EFCAB13: variants seen among roughly 807,000 people sequenced by gnomAD.
The protein encoded by EFCAB13 is EF-hand calcium binding domain 13, also known as EF-hand calcium-binding domain-containing protein 13.
In EFCAB13, 91 loss-of-function variants were observed where a neutral mutation model predicts 110.2. That is an observed-to-expected ratio of 0.83 (90% confidence interval 0.70 to 0.98). The LOEUF is 0.98. EFCAB13 is among the 50% of genes least tolerant of loss of function. The pLI is 0.00. For missense variants in EFCAB13, 968 were observed against 1,119.4 expected (o/e 0.86, Z 1.93); for synonymous variants, 323 against 369.9 (o/e 0.87, Z 1.45).
At chr17:47,436,292 T>G (rs573860673) in intron 24 of EFCAB13, among the ~76,000 whole-genome samples, 6 of 152,182 alleles carry the variant, frequency 3.9e-5, no homozygotes, top group Non-Finnish European at 8.8e-5. Flanking sequence ...CTTCATAGAA[T>G]GAATTAGGGA....
At chr17:47,435,480 A>C (rs972756176) in intron 24 of EFCAB13, among the ~76,000 whole-genome samples, 1 of 152,074 alleles carries the variant, frequency 6.6e-6, no homozygotes, top group Non-Finnish European at 1.5e-5. Flanking sequence ...AAAAACTACA[A>C]GTAGGTCTTT....
intron 12 of EFCAB13, among the ~76,000 whole-genome samples, chr17:47,375,926 G>A (rs536445157): frequency 6.6e-6 from 1 of 151,980 alleles, no homozygotes; most frequent in East Asian, 1.9e-4. Context: ...TATATCTAGG[G>A]CTCCAAGTCT....
At chr17:47,407,819 T>C (rs541200053) in intron 20 of EFCAB13, among the ~76,000 whole-genome samples, 1 of 152,342 alleles carries the variant, frequency 6.6e-6, no homozygotes, top group South Asian at 2.1e-4. Flanking sequence ...ATGTTTGATA[T>C]TACTGTTCTT....
chr17:47,371,629 T>A (rs1280217626), intron 11 of EFCAB13, among the ~76,000 whole-genome samples: 1 of 152,172 alleles, frequency 6.6e-6, no homozygotes, highest in African/African-American at 2.4e-5. Context: ...GTCCATTTTT[T>A]TTGAGACAGA....
chr17:47,344,250 A>T lies in EFCAB13; in HGVS notation c.392A>T (p.His131Leu), dbSNP rs767504556. Residue 131 changes from histidine to leucine, a missense_variant, in exon 7 of 25, where the codon CAC becomes CTC. By Grantham distance (99) the His-to-Leu change is moderately conservative. Coordinates refer to ENST00000331493, the MANE Select transcript of EFCAB13 (RefSeq NM_152347.5). The stretch of plus-strand genomic sequence containing the variant: ...AAGTTGCCGAATCAGTACAGCGTTC[A>T]CAAGACTTCATCACCTCTTTGTACA... ...LCKLPNQYSV[H>L]KTSSPLCTSS... The T allele has an allele frequency of 9.9e-6, 16 of 1,613,028 alleles. No homozygotes were observed. Among genetic ancestry groups the T allele is most frequent in the Non-Finnish European group, 1.2e-5 (14 of 1,179,200 alleles).
intron 14 of EFCAB13, among the ~76,000 whole-genome samples, chr17:47,390,335 C>T (rs1003311087): frequency 6.6e-6 from 1 of 152,054 alleles, no homozygotes; most frequent in African/African-American, 2.4e-5. Context: ...TACACACACA[C>T]ACACACACAC....
chr17:47,348,030 A>G (rs2065427782), intron 9 of EFCAB13, 79 bp downstream of exon 9: 3 of 1,145,906 alleles, frequency 2.6e-6, no homozygotes, highest in Admixed American at 3.2e-5. Context: ...AAATGATAGG[A>G]AAGCTAAACC....
At chr17:47,325,905 T>TTA (rs927345842) in intron 2 of EFCAB13, among the ~76,000 whole-genome samples, 11 of 128,164 alleles carry the variant, frequency 8.6e-5, no homozygotes, top group African/African-American at 2.4e-4. Flanking sequence ...AGGGCAGATT[T>TTA]TATATATATA....
intron 13 of EFCAB13, among the ~76,000 whole-genome samples, chr17:47,378,192 C>A (rs1165852256): frequency 6.6e-6 from 1 of 152,088 alleles, no homozygotes; most frequent in Non-Finnish European, 1.5e-5. Context: ...GGAGACTGAT[C>A]CAGTTGTAGC....
chr17:47,351,903 T>G (rs900321105), intron 9 of EFCAB13, among the ~76,000 whole-genome samples: 52 of 147,952 alleles, frequency 3.5e-4, no homozygotes, highest in Middle Eastern at 3.4e-3. Context: ...CATGTAGTTT[T>G]TTTTTTTTTT....
At chr17:47,400,203 A>G (rs1598751326) in intron 17 of EFCAB13, among the ~76,000 whole-genome samples, 1 of 152,142 alleles carries the variant, frequency 6.6e-6, no homozygotes, top group African/African-American at 2.4e-5. Context: ...ACTTATCTTC[A>G]TGACTTTTTA....
rs866744189 is a variant in EFCAB13 at position 47,395,842 on chromosome 17, G to A, written c.1810G>A (p.Asp604Asn). The part of the protein sequence containing the change: ...ECFSEKLVLP[D>N]AIETLDDLRK... ...TTTTATCTACCCTTTAGTATTGCCT[G>A]ATGCTATTGAAACCCTCGACGATCT... The change falls in exon 17 of 25, where the codon GAT (aspartate) becomes AAT (asparagine). Residue 604 changes from aspartate to asparagine, a missense_variant. Physicochemically the swap from Asp to Asn is conservative, Grantham distance 23 (BLOSUM62 1). Coordinates refer to ENST00000331493, the MANE Select transcript of EFCAB13 (RefSeq NM_152347.5). 11 of 1,606,436 alleles carry A rather than the reference G, an allele frequency of 6.8e-6. No individual in the cohort carries two copies. In the Middle Eastern group the frequency reaches 1.5e-3, roughly 218 times the overall value.
chr17:47,417,940 G>A (rs981523510), intron 23 of EFCAB13, among the ~76,000 whole-genome samples: 1 of 152,164 alleles, frequency 6.6e-6, no homozygotes, highest in African/African-American at 2.4e-5. Flanking sequence ...TAATGTAGAG[G>A]CTGATATCAT....
intron 22 of EFCAB13, among the ~76,000 whole-genome samples, chr17:47,413,646 A>C (rs1399387499): frequency 6.6e-6 from 1 of 152,112 alleles, no homozygotes; most frequent in Non-Finnish European, 1.5e-5. Flanking sequence ...TTTTGATCTC[A>C]GTTTTCTCAC....
At chr17:47,393,383 G>C (rs983139042) in intron 15 of EFCAB13, among the ~76,000 whole-genome samples, 3 of 152,090 alleles carry the variant, frequency 2.0e-5, no homozygotes, top group African/African-American at 7.2e-5. Flanking sequence ...ATAAATCCTG[G>C]AAAATCTCTT....
intron 23 of EFCAB13, among the ~76,000 whole-genome samples, chr17:47,426,735 T>C (rs1218329417): frequency 6.6e-6 from 1 of 152,204 alleles, no homozygotes; most frequent in East Asian, 1.9e-4. Context: ...GGGTTGCCAA[T>C]TGGCGATGCA....
intron 8 of EFCAB13, among the ~76,000 whole-genome samples, chr17:47,346,077 A>G (rs1036577692): frequency 6.6e-6 from 1 of 152,146 alleles, no homozygotes; most frequent in Non-Finnish European, 1.5e-5. Flanking sequence ...CATGAGATCT[A>G]CCCTCTTAAC....
intron 9 of EFCAB13, among the ~76,000 whole-genome samples, chr17:47,360,417 A>G (rs1392426823): frequency 6.6e-6 from 1 of 152,162 alleles, no homozygotes; most frequent in African/African-American, 2.4e-5. Flanking sequence ...GGCTGCATAA[A>G]TGTCTTCTTT....
At chr17:47,386,806 G>A (rs996491932) in intron 14 of EFCAB13, among the ~76,000 whole-genome samples, 4 of 152,140 alleles carry the variant, frequency 2.6e-5, no homozygotes, top group African/African-American at 7.2e-5. Context: ...TGCAAAAACC[G>A]TGGGGAAAGC....
Sources: gnomAD v4.1 joint callset for allele counts (sites outside exome capture counted in the v4.1 genomes callset) on GRCh38, gnomAD v4.1.1 for gene constraint, MANE v1.5 for transcripts, NCBI Gene and HGNC (gene_info 2026-07-23, HGNC 2026-07-21) for gene names.